The following RARB variants were observed in gnomAD, a reference collection of about 807,000 sequenced individuals.
RARB encodes the protein retinoic acid receptor beta.
Under a neutral mutation model 51.9 loss-of-function variants are expected in RARB, and 17 were observed. The observed-to-expected ratio is 0.33, with a 90% CI of 0.22 to 0.49. The LOEUF (loss-of-function observed/expected upper bound fraction) is 0.49. Among genes scored for constraint, RARB ranks in the 20% least tolerant of loss-of-function variants. RARB has a pLI of 0.99. For missense variants in RARB, 369 were observed against 550.8 expected (o/e 0.67, Z 3.30); for synonymous variants, 215 against 195.4 (o/e 1.10, Z -0.84).
chr3:25,514,433 G>T (rs1392579076), intron 3 of RARB, among the ~76,000 whole-genome samples: 1 of 151,940 alleles, frequency 6.6e-6, no homozygotes, highest in Non-Finnish European at 1.5e-5. Flanking sequence ...CTCAGGAGAA[G>T]GAAAGTTTTT....
intron 7 of RARB, among the ~76,000 whole-genome samples, chr3:25,594,921 A>C (rs1224234871): frequency 2.6e-5 from 4 of 152,142 alleles, no homozygotes; most frequent in Admixed American, 2.6e-4. Context: ...GACTGATTAG[A>C]AAAACATTGT....
intron 5 of RARB, among the ~76,000 whole-genome samples, chr3:25,198,670 G>C (rs184648140): frequency 6.6e-6 from 1 of 151,882 alleles, no homozygotes; most frequent in South Asian, 2.1e-4. Context: ...TACAAATTGC[G>C]AACAGGTATA....
intron 5 of RARB, among the ~76,000 whole-genome samples, chr3:25,336,457 G>A (rs538364810): frequency 6.6e-6 from 1 of 152,168 alleles, no homozygotes; most frequent in Non-Finnish European, 1.5e-5. Context: ...TTGTTTAATG[G>A]CTTCTTATTG....
intron 5 of RARB, among the ~76,000 whole-genome samples, chr3:25,226,729 C>A (rs1702064241): frequency 6.6e-6 from 1 of 152,162 alleles, no homozygotes; most frequent in Non-Finnish European, 1.5e-5. Context: ...TTCTCCCCAA[C>A]TCCATGTCCT....
intron 2 of RARB, among the ~76,000 whole-genome samples, chr3:24,905,044 G>GT (rs1240528821): frequency 6.6e-6 from 1 of 152,188 alleles, no homozygotes; most frequent in Non-Finnish European, 1.5e-5. Flanking sequence ...TAGATGACGG[G>GT]TTGATGGGTG....
At chr3:25,511,130 T>C (rs1247834525) in intron 3 of RARB, among the ~76,000 whole-genome samples, 1 of 123,098 alleles carries the variant, frequency 8.1e-6, no homozygotes, top group African/African-American at 4.6e-5. Flanking sequence ...TTTTGTTTTT[T>C]GTTTTGGTTT....
intron 1 of RARB, among the ~76,000 whole-genome samples, chr3:24,830,787 G>T (rs1200241597): frequency 6.6e-6 from 1 of 151,874 alleles, no homozygotes; most frequent in African/African-American, 2.4e-5. Context: ...CAGGTGAGGC[G>T]GAGCGGAGGA....
intron 5 of RARB, among the ~76,000 whole-genome samples, chr3:25,329,482 C>T (rs1387290295): frequency 6.6e-6 from 1 of 151,574 alleles, no homozygotes; most frequent in Admixed American, 6.6e-5. Context: ...ACAGAAAGGA[C>T]ATCCACACCA....
rs571906180 is a variant in RARB, at chr3:24,987,874, C to T, written c.-379-72251C>T. On this transcript the variant is annotated intron_variant, in intron 2 of 11. Coordinates refer to the RARB transcript ENST00000383772. ...ATGTATGCACGCACAATTACATATA[C>T]GCATACAAAAACCAAAACAAAATAA... Among the ~76,000 whole-genome samples the T allele has an allele frequency of 1.6e-3, 246 of 152,242 alleles. 1 individual carries two copies. The highest frequency in any genetic ancestry group is 3.0e-3 in the Non-Finnish European group (201 of 68,004).
At chr3:25,106,931 C>T (rs1344790669) in intron 3 of RARB, among the ~76,000 whole-genome samples, 3 of 151,404 alleles carry the variant, frequency 2.0e-5, no homozygotes, top group African/African-American at 4.9e-5. Context: ...GATGGAGTCT[C>T]GCTGTCTTGC....
rs1393288357 is a variant in RARB at position 25,309,564 on chromosome 3, C to T, written c.178+134989C>T. 7.0e-5 allele frequency among the ~76,000 whole-genome samples: 9 copies of T among 127,838 alleles called. No homozygotes were observed. In the Admixed American group the frequency reaches 9.2e-4, roughly 13 times the overall value. 83.9% of individuals were successfully genotyped at this position (127,838 alleles called of 152,430 possible). ...CCAGGCTGGAGTGCAGTGGTGTGATCTCAGCTCACTGCAACCTCCCCCTCC... is the reference window on the plus strand; with the variant it reads ...CCAGGCTGGAGTGCAGTGGTGTGATTTCAGCTCACTGCAACCTCCCCCTCC... On this transcript the variant is annotated intron_variant, in intron 5 of 11. Coordinates refer to the RARB transcript ENST00000383772.
chr3:24,879,918 G>C (rs183123832), intron 2 of RARB, among the ~76,000 whole-genome samples: 1 of 151,348 alleles, frequency 6.6e-6, no homozygotes, highest in Non-Finnish European at 1.5e-5. Flanking sequence ...TTTGTCCTGC[G>C]TGAATCCCAT....
intron 2 of RARB, among the ~76,000 whole-genome samples, chr3:24,925,491 A>T (rs942916936): frequency 6.6e-6 from 1 of 151,612 alleles, no homozygotes; most frequent in Non-Finnish European, 1.5e-5. Flanking sequence ...ATAAATACAA[A>T]ATTTAGCTGG....
At chr3:25,002,277 A>G (rs1276871331) in intron 2 of RARB, among the ~76,000 whole-genome samples, 1 of 152,212 alleles carries the variant, frequency 6.6e-6, no homozygotes, top group Non-Finnish European at 1.5e-5. Context: ...TGTCAGCTTC[A>G]GGAGATAGAC....
chr3:25,107,928 T>G (rs6550949), intron 3 of RARB, among the ~76,000 whole-genome samples: 115,324 of 152,054 alleles, frequency 0.76, 44,053 homozygotes, highest in East Asian at 0.87. Context: ...GGAAGCACTT[T>G]ATAGCTTCTC....
Position 25,195,120 on chromosome 3 carries a change from G to A in RARB, c.178+20545G>A, listed in dbSNP as rs187331842. Among the ~76,000 whole-genome samples the A allele has an allele frequency of 1.5e-3, 222 of 152,038 alleles. 4 individuals carry two copies. The highest frequency in any genetic ancestry group is 1.8e-4 in the Non-Finnish European group (12 of 67,910). Reference sequence around the variant, plus strand: ...CAAAAGACATTTCATGGTACAAAAGGTCTTTATCATACTGCTGAAATCCCA... The same window carrying A: ...CAAAAGACATTTCATGGTACAAAAGATCTTTATCATACTGCTGAAATCCCA... On this transcript the variant is annotated intron_variant, in intron 5 of 11. Transcript: ENST00000383772.
At chr3:25,206,284 A>C (rs1002178694) in intron 5 of RARB, among the ~76,000 whole-genome samples, 1 of 152,214 alleles carries the variant, frequency 6.6e-6, no homozygotes, top group African/African-American at 2.4e-5. Context: ...TCTTACATAA[A>C]TTTGATATTT....
At chr3:24,990,081 G>C (rs1388301550) in intron 2 of RARB, among the ~76,000 whole-genome samples, 1 of 102,038 alleles carries the variant, frequency 9.8e-6, no homozygotes, top group Non-Finnish European at 1.9e-5. Context: ...TTACAGGCGT[G>C]AGCCACCGCG....
Position 24,970,641 on chromosome 3 carries a change from A to C in RARB, c.-379-89484A>C, listed in dbSNP as rs554367105. On this transcript the variant is annotated intron_variant, in intron 2 of 11. Coordinates refer to the RARB transcript ENST00000383772. Reference sequence around the variant, plus strand: ...CTCTGCTACCACCTGTAGCATGAGAAAGACACTTCATTTTAGTACTTGGAG... The same window carrying C: ...CTCTGCTACCACCTGTAGCATGAGACAGACACTTCATTTTAGTACTTGGAG... Among the ~76,000 whole-genome samples, 221 of 151,380 alleles carry C rather than the reference A, an allele frequency of 1.5e-3. 2 individuals carry two copies. Among genetic ancestry groups the C allele is most frequent in the Admixed American group, 2.4e-3 (36 of 15,140 alleles).
Sources: gnomAD v4.1 joint callset for allele counts (sites outside exome capture counted in the v4.1 genomes callset) on GRCh38, gnomAD v4.1.1 for gene constraint, MANE v1.5 for transcripts, NCBI Gene and HGNC (gene_info 2026-07-23, HGNC 2026-07-21) for gene names.